Variants in RBM28 observed in about 807,000 individuals in gnomAD.
The protein encoded by RBM28 is RNA binding motif protein 28, also known as RNA-binding protein 28.
In RBM28, 78 loss-of-function variants were observed where a neutral mutation model predicts 98.3. The observed-to-expected ratio is 0.79, with a 90% CI of 0.66 to 0.96. RBM28 has a LOEUF of 0.96. Among genes scored for constraint, RBM28 ranks in the 40% least tolerant of loss-of-function variants. The probability of loss-of-function intolerance (pLI) is 0.00; values close to 1 mark genes in which losing one functional copy is unlikely to be tolerated. For missense variants in RBM28, 838 were observed against 913.0 expected, an observed-to-expected ratio of 0.92 and a Z score of 1.06; for synonymous variants, 306 against 330.9, an observed-to-expected ratio of 0.92 and a Z score of 0.82.
chr7:128,321,135 C>G, intron 14 of RBM28, 131 bp downstream of exon 14: 2 of 1,291,272 alleles, frequency 1.5e-6, no homozygotes, highest in Non-Finnish European at 1.1e-6. Flanking sequence ...CGCTGCACTA[C>G]AGCCTGGGCA....
chr7:128,316,445 T>A (rs2031353752), intron 16 of RBM28, among the ~76,000 whole-genome samples: 1 of 152,218 alleles, frequency 6.6e-6, no homozygotes, highest in Non-Finnish European at 1.5e-5. Flanking sequence ...GCTCAGTGAC[T>A]CACGCCTGTA....
Position 128,339,594 on chromosome 7 carries a change from C to T in RBM28, c.277+39G>A, listed in dbSNP as rs150919831. The stretch of plus-strand genomic sequence containing the variant: ...TTCATTTTCATAGTGCTCCTCCTCA[C>T]CCTGGGAGAAAAACTTCCTTCAATT... On this transcript the variant is annotated intron_variant, in intron 2 of 18. Transcript: ENST00000223073. The T allele has an allele frequency of 1.9e-4, 309 of 1,598,542 alleles. 3 individuals carry two copies. In the African/African-American group the frequency reaches 3.4e-3, roughly 18 times the overall value.
At chr7:128,331,926 T>C (rs749148962) in intron 9 of RBM28, among the ~76,000 whole-genome samples, 1 of 152,228 alleles carries the variant, frequency 6.6e-6, no homozygotes, top group Non-Finnish European at 1.5e-5. Context: ...CAATAAAACA[T>C]ATCCTAGCTA....
chr7:128,341,037 G>C lies in RBM28; in HGVS notation c.119-1246C>G, dbSNP rs1489278524. ...CTGTAACCCACCTTTGCCCTTTTTG[G>C]TTTAACATTTTGTATAGTAAAATTT... On this transcript the variant is annotated intron_variant, in intron 1 of 18. Transcript: ENST00000223073. 12 of 822,830 alleles carry C rather than the reference G, an allele frequency of 1.5e-5. No individual in the cohort carries two copies. The Admixed American group carries it at 3.8e-4, about 26-fold the overall frequency. The allele number at this position is 822,830 out of a possible 1,614,324, so 51.0% of individuals were successfully genotyped here.
Position 128,300,097 on chromosome 7 carries a change from T to C in RBM28, c.*10700A>G, listed in dbSNP as rs1370604872. 7 of 152,272 alleles carry C rather than the reference T, an allele frequency of 4.6e-5. No homozygotes were observed. Among genetic ancestry groups the C allele is most frequent in the African/African-American group, 1.4e-4 (6 of 41,460 alleles). The allele number at this position is 152,272 out of a possible 1,614,324, so 9.4% of individuals were successfully genotyped here. On this transcript the variant is annotated 3_prime_UTR_variant, in exon 19 of 19. Coordinates refer to ENST00000223073, the MANE Select transcript of RBM28 (RefSeq NM_018077.3). ...CTCTTACAGTAGCCCTCCTGACTAA[T>C]ATAGGCCCTTTCTCAACTTTCCCTA...
rs1795865855 is a variant in RBM28, at chr7:128,306,234, G to A, written c.*4563C>T. 2.0e-5 allele frequency: 3 copies of A among 152,308 alleles called. No homozygotes were observed. The South Asian group carries it at 6.2e-4, about 31-fold the overall frequency. 9.4% of individuals were successfully genotyped at this position (152,308 alleles called of 1,614,324 possible). A position where few individuals can be genotyped will look rare whatever the true frequency, so the allele number is the denominator to read the frequency against. On this transcript the variant is annotated 3_prime_UTR_variant, in exon 19 of 19. Coordinates refer to ENST00000223073, the MANE Select transcript of RBM28 (RefSeq NM_018077.3). ...GATGTTGGGCCTTGAGCCAGAACTT[G>A]AGTGCTGGATAACACTTGAGTGGAA...
At chr7:128,340,270 ACT>A (rs1205443348) in intron 1 of RBM28, among the ~76,000 whole-genome samples, 2 of 152,142 alleles carry the variant, frequency 1.3e-5, no homozygotes, top group Non-Finnish European at 2.9e-5. Flanking sequence ...GGATCAGAGG[ACT>A]CTGTCTTCAG....
chr7:128,322,750 G>A (rs1486850506), intron 13 of RBM28, among the ~76,000 whole-genome samples: 2 of 152,040 alleles, frequency 1.3e-5, no homozygotes, highest in Non-Finnish European at 1.5e-5. Context: ...AGTTAAGGAT[G>A]GGTCTCCAGA....
chr7:128,310,912 T>C lies in RBM28; in HGVS notation c.2165A>G (p.Lys722Arg). The change falls in exon 19 of 19, where the codon AAG (lysine) becomes AGG (arginine). Residue 722 changes from lysine (K) to arginine (R), a missense_variant. Physicochemically the swap from Lys to Arg is conservative, Grantham distance 26. Coordinates refer to ENST00000223073, the MANE Select transcript of RBM28 (RefSeq NM_018077.3). ...GAAGCGGGTTTCCGTCTTATTTCCCTTAGCTTTTTTCCTAGATACCTACAA... is the reference window on the plus strand; with the variant it reads ...GAAGCGGGTTTCCGTCTTATTTCCCCTAGCTTTTTTCCTAGATACCTACAA... ...SSEQVSRKKAKGNKTETRFNQ... is the reference protein window; with the variant it reads ...SSEQVSRKKARGNKTETRFNQ... 6.2e-7 allele frequency: 1 copy of C among 1,613,458 alleles called. No homozygotes were observed.
intron 18 of RBM28, 88 bp from the exon 19 acceptor site, chr7:128,311,019 A>C: frequency 3.0e-6 from 4 of 1,319,282 alleles, no homozygotes; most frequent in Non-Finnish European, 4.3e-6. Flanking sequence ...AGAGAAAGTA[A>C]GTGGGACAGA....
At chr7:128,324,997 G>A (rs375328710) in intron 11 of RBM28, among the ~76,000 whole-genome samples, 20 of 152,000 alleles carry the variant, frequency 1.3e-4, no homozygotes, top group Non-Finnish European at 2.1e-4. Flanking sequence ...GAGACAGAGC[G>A]AGACTCCACC....
At chr7:128,315,679 G>C (rs1435040775) in intron 16 of RBM28, among the ~76,000 whole-genome samples, 1 of 152,016 alleles carries the variant, frequency 6.6e-6, no homozygotes, top group South Asian at 2.1e-4. Context: ...AGAAGGGAGT[G>C]AAGTGAGATA....
chr7:128,318,992 T>C (rs1236958893), intron 14 of RBM28, among the ~76,000 whole-genome samples: 1 of 152,228 alleles, frequency 6.6e-6, no homozygotes, highest in Non-Finnish European at 1.5e-5. Flanking sequence ...TGCTTGCAGC[T>C]CAGATCCTCT....
chr7:128,330,844 C>T lies in RBM28; in HGVS notation c.1104G>A (p.Leu368=). 1.2e-6 allele frequency: 2 copies of T among 1,613,994 alleles called. No individual in the cohort carries two copies. Among genetic ancestry groups the T allele is most frequent in the Non-Finnish European group, 1.7e-6 (2 of 1,179,876 alleles). The part of the protein sequence containing the change: ...FGELKYVRIV[L]HPDTEHSKGC... ...CTTTAGAATGCTCTGTGTCTGGATG[C>T]AAGACAATGCGGACATATTTGAGTT... Residue 368 remains leucine, a synonymous_variant, in exon 10 of 19, where the codon TTG becomes TTA. Coordinates refer to ENST00000223073, the MANE Select transcript of RBM28 (RefSeq NM_018077.3).
intron 6 of RBM28, 81 bp from the exon 7 acceptor site, chr7:128,336,123 A>G (rs1026403439): frequency 6.3e-5 from 82 of 1,302,018 alleles, no homozygotes; most frequent in Non-Finnish European, 7.1e-5. Flanking sequence ...CAATACTCCA[A>G]GTTCTTGGTT....
In RBM28 at chr7:128,314,773, G is replaced by A; in HGVS notation, c.2036C>T (p.Pro679Leu). ...CCCTCCTGCATCTCACCTGATTTTG[G>A]GGCCTCGGTGTGAGGGGAGCGCCAG... ...KVLALPSHRG[P>L]KIRLRDKGKV... The change falls in exon 17 of 19, where the codon CCC becomes CTC. Residue 679 changes from proline to leucine, a missense_variant. By Grantham distance (98) the Pro-to-Leu change is moderately conservative. Coordinates refer to ENST00000223073, the MANE Select transcript of RBM28 (RefSeq NM_018077.3). 5 of 1,614,142 alleles carry A rather than the reference G, an allele frequency of 3.1e-6. No homozygotes were observed. The East Asian group carries it at 1.1e-4, about 36-fold the overall frequency.
At chr7:128,336,606 G>A in intron 6 of RBM28, among the ~76,000 whole-genome samples, 1 of 152,180 alleles carries the variant, frequency 6.6e-6, no homozygotes, top group East Asian at 1.9e-4. Flanking sequence ...CCTAGGTTTT[G>A]GGACCAGAGC....
chr7:128,332,570 G>A (rs1490802423), intron 9 of RBM28, among the ~76,000 whole-genome samples: 8 of 152,076 alleles, frequency 5.3e-5, no homozygotes, highest in Admixed American at 2.6e-4. Flanking sequence ...GGCCAGGCTG[G>A]TCTCGAATTG....
intron 10 of RBM28, among the ~76,000 whole-genome samples, chr7:128,327,748 C>T (rs1309019321): frequency 6.6e-6 from 1 of 152,154 alleles, no homozygotes; most frequent in African/African-American, 2.4e-5. Context: ...GATCCGCCTG[C>T]CTTGGCCTCC....
Sources: allele counts gnomAD v4.1 joint callset (sites outside exome capture counted in the v4.1 genomes callset), GRCh38; gene constraint gnomAD v4.1.1; transcripts MANE v1.5; gene names NCBI Gene and HGNC (gene_info 2026-07-23, HGNC 2026-07-21).